The following TBC1D1 variants were observed in gnomAD, a reference collection of about 807,000 sequenced individuals.
The protein encoded by TBC1D1 is TBC1 (tre-2/USP6, BUB2, cdc16) domain family, member 1.
TBC1D1 carries 89 observed loss-of-function variants against 125.6 expected under a neutral mutation model. The observed-to-expected ratio is 0.71, with a 90% CI of 0.60 to 0.85. The LOEUF (loss-of-function observed/expected upper bound fraction) is 0.85, where lower values mean the gene tolerates loss of function less well. Ranked by LOEUF, TBC1D1 falls within the 40% of genes least tolerant of loss-of-function variation. TBC1D1 has a pLI of 0.00. For synonymous variants in TBC1D1, 565 were observed against 564.1 expected, an observed-to-expected ratio of 1.00 and a Z score of -0.02; for missense variants, 1,377 against 1,469.2, an observed-to-expected ratio of 0.94 and a Z score of 1.03.
intron 2 of TBC1D1, among the ~76,000 whole-genome samples, chr4:37,942,806 C>T (rs1393862359): frequency 1.3e-5 from 2 of 152,170 alleles, no homozygotes; most frequent in East Asian, 1.9e-4. Flanking sequence ...TCCCAAAGTG[C>T]TGGGATTACA....
intron 2 of TBC1D1, among the ~76,000 whole-genome samples, chr4:37,999,472 G>A (rs375617996): frequency 6.6e-6 from 1 of 152,196 alleles, no homozygotes; most frequent in East Asian, 1.9e-4. Context: ...ATACTCTGAT[G>A]TAGGCCCGCA....
intron 2 of TBC1D1, among the ~76,000 whole-genome samples, chr4:37,961,302 A>G (rs1230373273): frequency 6.6e-6 from 1 of 152,182 alleles, no homozygotes; most frequent in Non-Finnish European, 1.5e-5. Context: ...CCAGGCCAAG[A>G]ACTTCTACAT....
At chr4:38,007,658 G>T (rs1740610654) in intron 2 of TBC1D1, among the ~76,000 whole-genome samples, 1 of 152,174 alleles carries the variant, frequency 6.6e-6, no homozygotes, top group South Asian at 2.1e-4. Context: ...TTTCCACCCT[G>T]TTTAGTCATT....
intron 7 of TBC1D1, among the ~76,000 whole-genome samples, chr4:38,031,511 G>A (rs890949976): frequency 6.6e-6 from 1 of 152,236 alleles, no homozygotes; most frequent in African/African-American, 2.4e-5. Flanking sequence ...ATGTTAGACT[G>A]TAGTGTCCAA....
chr4:37,958,499 C>T (rs758183536), intron 2 of TBC1D1, among the ~76,000 whole-genome samples: 1 of 152,176 alleles, frequency 6.6e-6, no homozygotes, highest in African/African-American at 2.4e-5. Flanking sequence ...TCTTCTTTTA[C>T]TTAAGCATTC....
intron 15 of TBC1D1, among the ~76,000 whole-genome samples, chr4:38,106,207 C>T (rs766483043): frequency 6.6e-6 from 1 of 152,174 alleles, no homozygotes; most frequent in Non-Finnish European, 1.5e-5. Flanking sequence ...ACTGCACTAG[C>T]ACCGCCATCT....
chr4:38,096,346 CTAGA>C (rs1448433429), intron 14 of TBC1D1, among the ~76,000 whole-genome samples: 1 of 152,150 alleles, frequency 6.6e-6, no homozygotes, highest in East Asian at 1.9e-4. Context: ...TGCCTATAAA[CTAGA>C]TAATGATTTG....
chr4:37,978,537 A>C (rs985789033), intron 2 of TBC1D1, among the ~76,000 whole-genome samples: 4 of 152,238 alleles, frequency 2.6e-5, no homozygotes, highest in African/African-American at 2.4e-5. Flanking sequence ...CATTTTTATG[A>C]ATACCTGTTT....
At position 37,995,870 on chromosome 4, in the gene TBC1D1, G is replaced by T; in HGVS notation, c.418-18639G>T. 1.7e-6 allele frequency: 1 copy of T among 578,546 alleles called. No homozygotes were observed. Among genetic ancestry groups the T allele is most frequent in the South Asian group, 1.4e-5 (1 of 72,736 alleles). The allele number at this position is 578,546 out of a possible 1,614,324, so 35.8% of individuals were successfully genotyped here. ...TGATCACCAGAATGCATTTCTCTTT[G>T]AGAATCCAGACTTCTGGCTTAACCA... On this transcript the variant is annotated intron_variant, in intron 2 of 19. Coordinates refer to ENST00000261439, the MANE Select transcript of TBC1D1 (RefSeq NM_015173.4). This position sits in a 1 kb window ranked among gnomAD's most constrained non-coding sequence, Gnocchi z 4.3.
chr4:37,970,925 T>C lies in TBC1D1; in HGVS notation c.418-43584T>C, dbSNP rs530267615. ...CAGAGTGAGGTCATTCTTTTGCATGTGTCCCTGCCTCACTGGCCCCCCCCA... is the reference window on the plus strand; with the variant it reads ...CAGAGTGAGGTCATTCTTTTGCATGCGTCCCTGCCTCACTGGCCCCCCCCA... On this transcript the variant is annotated intron_variant, in intron 2 of 19. Coordinates refer to ENST00000261439, the MANE Select transcript of TBC1D1 (RefSeq NM_015173.4). Among the ~76,000 whole-genome samples the C allele has an allele frequency of 6.8e-5, 10 of 147,610 alleles. No individual in the cohort carries two copies. The South Asian group carries it at 2.2e-3, about 32-fold the overall frequency.
chr4:38,121,683 G>A (rs1166715805), intron 17 of TBC1D1, among the ~76,000 whole-genome samples: 2 of 152,128 alleles, frequency 1.3e-5, no homozygotes, highest in Non-Finnish European at 2.9e-5. Flanking sequence ...TTTCCAAGGA[G>A]AGTTATTGTT....
intron 2 of TBC1D1, among the ~76,000 whole-genome samples, chr4:37,973,244 C>G (rs1384402505): frequency 6.6e-6 from 1 of 152,152 alleles, no homozygotes; most frequent in African/African-American, 2.4e-5. Context: ...AAACCTTAGA[C>G]AAATTCTAAC....
chr4:37,940,948 G>A (rs1725437743), intron 2 of TBC1D1, among the ~76,000 whole-genome samples: 1 of 152,250 alleles, frequency 6.6e-6, no homozygotes, highest in Admixed American at 6.5e-5. Context: ...GAGGATTTTT[G>A]CATCGATATT....
At chr4:38,087,661 G>A (rs1034300701) in intron 12 of TBC1D1, among the ~76,000 whole-genome samples, 1 of 151,870 alleles carries the variant, frequency 6.6e-6, no homozygotes, top group Non-Finnish European at 1.5e-5. Flanking sequence ...GGCCAACATG[G>A]TGAAACCCCG....
At chr4:38,063,801 A>G (rs1184736117) in intron 12 of TBC1D1, among the ~76,000 whole-genome samples, 2 of 151,934 alleles carry the variant, frequency 1.3e-5, no homozygotes, top group South Asian at 4.2e-4. Flanking sequence ...GCTAATTTTT[A>G]TATGTTTACT....
chr4:37,911,074 A>G (rs2152250423), intron 2 of TBC1D1, among the ~76,000 whole-genome samples: 1 of 146,092 alleles, frequency 6.8e-6, no homozygotes. Context: ...CCTAAAAAGT[A>G]TTTCCAGAAG....
chr4:38,049,724 A>G lies in TBC1D1; in HGVS notation c.1736A>G (p.Glu579Gly). The stretch of plus-strand genomic sequence containing the variant: ...AGTGACTCGGAGAGTCATCTCCCAG[A>G]AGAGCCAGCTCCGCTGTCGCCCCAG... The change falls in exon 11 of 20, where the codon GAA (glutamate) becomes GGA (glycine). Residue 579 changes from glutamate (E) to glycine (G), a missense_variant. By Grantham distance (98) the Glu-to-Gly change is moderately conservative (BLOSUM62 -2). This residue lies in a region of TBC1D1 where 822 missense variants were observed against 824.6 expected (regional missense o/e 1.00). Transcript: ENST00000261439. 4 of 1,614,154 alleles carry G rather than the reference A, an allele frequency of 2.5e-6. No homozygotes were observed. Among genetic ancestry groups the G allele is most frequent in the African/African-American group, 1.3e-5 (1 of 75,024 alleles).
intron 1 of TBC1D1, among the ~76,000 whole-genome samples, chr4:37,900,029 G>A (rs1465545071): frequency 6.6e-6 from 1 of 151,972 alleles, no homozygotes; most frequent in Non-Finnish European, 1.5e-5. Flanking sequence ...GCTGACGCGG[G>A]AGAATGGCGC....
intron 12 of TBC1D1, 32 bp from the exon 15 acceptor site, chr4:38,089,900 T>A (rs1320489558): frequency 2.0e-6 from 3 of 1,534,426 alleles, no homozygotes; most frequent in Non-Finnish European, 2.6e-6. Flanking sequence ...TGTTGAAAAA[T>A]GACAATTCTG....
Sources: allele counts gnomAD v4.1 joint callset (sites outside exome capture counted in the v4.1 genomes callset), GRCh38; gene constraint gnomAD v4.1.1; regional missense constraint gnomAD v4.1.1; non-coding constraint Gnocchi (gnomAD v3.1); transcripts MANE v1.5; gene names NCBI Gene and HGNC (gene_info 2026-07-23, HGNC 2026-07-21).